Variants in SEC14L2 observed in about 807,000 individuals in gnomAD.
SEC14L2 encodes SEC14 like lipid binding 2, also known as SEC14-like protein 2.
In SEC14L2, 50 loss-of-function variants were observed where a neutral mutation model predicts 56.9. That is an observed-to-expected ratio of 0.88 (90% CI 0.70 to 1.11). The LOEUF (loss-of-function observed/expected upper bound fraction) is 1.11. Among genes scored for constraint, SEC14L2 ranks in the 50% most tolerant of loss-of-function variants. SEC14L2 has a pLI of 0.00. For synonymous variants in SEC14L2, 179 were observed against 188.5 expected (o/e 0.95, Z 0.41); for missense variants, 414 against 500.7 (o/e 0.83, Z 1.65).
At chr22:30,399,827 A>G (rs1933876424) in intron 2 of SEC14L2, 109 bp downstream of exon 2, 2 of 869,786 alleles carry the variant, frequency 2.3e-6, no homozygotes, top group Admixed American at 2.7e-5. Context: ...AGAGTGTCCA[A>G]CCTTTAGCGC....
chr22:30,407,025 T>C, intron 3 of SEC14L2, 70 bp from the exon 4 acceptor site: 2 of 1,516,044 alleles, frequency 1.3e-6, no homozygotes, highest in Non-Finnish European at 1.8e-6. Flanking sequence ...GTGCTGGGAT[T>C]ACAGGTGTGA....
At position 30,425,071 on chromosome 22, in the gene SEC14L2, TCGCA is replaced by T; in HGVS notation, c.*2665_*2668del. On this transcript the variant is annotated 3_prime_UTR_variant, in exon 12 of 12. Coordinates refer to ENST00000615189, the MANE Select transcript of SEC14L2 (RefSeq NM_012429.5). The stretch of plus-strand genomic sequence containing the variant: ...TCACTCCTCTAGCCTCATTTAGAGC[TCGCA>T]TTAAGAGCACGGGATCTGGATCCAC... 3 of 280,446 alleles carry T rather than the reference TCGCA, an allele frequency of 1.1e-5. No individual in the cohort carries two copies. Among genetic ancestry groups the T allele is most frequent in the Non-Finnish European group, 2.2e-5 (3 of 139,520 alleles). The allele number at this position is 280,446 out of a possible 1,614,324, so 17.4% of individuals were successfully genotyped here. A position where few individuals can be genotyped will look rare whatever the true frequency, so the allele number is the denominator to read the frequency against.
At chr22:30,409,136 C>T (rs1934177964) in intron 5 of SEC14L2, 51 bp from the exon 6 acceptor site, 9 of 1,518,180 alleles carry the variant, frequency 5.9e-6, no homozygotes, top group South Asian at 2.2e-5. Flanking sequence ...CTGGAACGGG[C>T]TTCTGAAGTA....
At chr22:30,399,608 G>A (rs781741632) in intron 1 of SEC14L2, 35 bp from the exon 2 acceptor site, 151 of 1,577,082 alleles carry the variant, frequency 9.6e-5, no homozygotes, top group Admixed American at 3.2e-4. Flanking sequence ...AGTCAGGGCG[G>A]GCCCTACCAC....
At chr22:30,411,616 T>G (rs1934249331) in intron 8 of SEC14L2, among the ~76,000 whole-genome samples, 1 of 151,474 alleles carries the variant, frequency 6.6e-6, no homozygotes, top group Non-Finnish European at 1.5e-5. Flanking sequence ...CGTCGTGGTG[T>G]GCACCTGTAA....
chr22:30,409,075 TA>T, intron 5 of SEC14L2, 111 bp from the exon 6 acceptor site: 1 of 973,002 alleles, frequency 1.0e-6, no homozygotes, highest in Non-Finnish European at 1.7e-6. Context: ...GGTCCGGCCC[TA>T]ACTAGCTCTG....
chr22:30,407,179 T>C (rs1050720219), intron 4 of SEC14L2, 25 bp downstream of exon 4: 1 of 1,612,662 alleles, frequency 6.2e-7, no homozygotes. Flanking sequence ...TCCCACCTCA[T>C]CCCTATGCTA....
chr22:30,415,109 T>C (rs1426188107), intron 8 of SEC14L2, among the ~76,000 whole-genome samples: 1 of 152,148 alleles, frequency 6.6e-6, no homozygotes, highest in East Asian at 1.9e-4. Flanking sequence ...TAACATACTC[T>C]TAACGTGTAT....
chr22:30,411,325 G>A (rs1013587020), intron 8 of SEC14L2, among the ~76,000 whole-genome samples: 3 of 152,150 alleles, frequency 2.0e-5, no homozygotes, highest in Admixed American at 1.3e-4. Flanking sequence ...ACTAGTCATA[G>A]AGAGGGTGCC....
rs560580686 is a variant in SEC14L2 at position 30,407,903 on chromosome 22, C to T, written c.423+300C>T. ...GCTTTGGGATTTCCTAGACCAGTGACATTTCCAAGTTTTAGAATATTCCCA... is the reference window on the plus strand; with the variant it reads ...GCTTTGGGATTTCCTAGACCAGTGATATTTCCAAGTTTTAGAATATTCCCA... On this transcript the variant is annotated intron_variant, in intron 5 of 11. Transcript: ENST00000615189. Among the ~76,000 whole-genome samples the T allele has an allele frequency of 9.1e-4, 138 of 152,158 alleles. 1 individual carries two copies. The highest frequency in any genetic ancestry group is 3.2e-3 in the African/African-American group (133 of 41,524).
At chr22:30,419,105 T>C (rs942880637) in intron 11 of SEC14L2, among the ~76,000 whole-genome samples, 5 of 152,222 alleles carry the variant, frequency 3.3e-5, no homozygotes, top group African/African-American at 1.2e-4. Flanking sequence ...GTCAGAAGAC[T>C]GGAAACACTA....
chr22:30,412,867 A>C (rs1934290140), intron 8 of SEC14L2, among the ~76,000 whole-genome samples: 1 of 151,616 alleles, frequency 6.6e-6, no homozygotes, highest in Admixed American at 6.6e-5. Flanking sequence ...AACAAAAAAA[A>C]CTTATATAGA....
intron 5 of SEC14L2, 64 bp from the exon 6 acceptor site, chr22:30,409,123 G>C: frequency 7.1e-7 from 1 of 1,404,062 alleles, no homozygotes; most frequent in Non-Finnish European, 1.0e-6. Flanking sequence ...CATTTGGCCT[G>C]GACTGGAACG....
intron 2 of SEC14L2, among the ~76,000 whole-genome samples, chr22:30,405,878 G>A (rs1024130179): frequency 6.6e-6 from 1 of 151,752 alleles, no homozygotes; most frequent in Non-Finnish European, 1.5e-5. Flanking sequence ...TTGTTTTTTT[G>A]GAGAGACGAG....
chr22:30,399,016 TC>T (rs1933840810), intron 1 of SEC14L2, among the ~76,000 whole-genome samples: 1 of 152,106 alleles, frequency 6.6e-6, no homozygotes, highest in South Asian at 2.1e-4. Flanking sequence ...TTTACTGCAG[TC>T]CGTATCAGAG....
chr22:30,425,040 C>T lies in SEC14L2; in HGVS notation c.*2633C>T, dbSNP rs964056948. On this transcript the variant is annotated 3_prime_UTR_variant, in exon 12 of 12. Coordinates refer to ENST00000615189, the MANE Select transcript of SEC14L2 (RefSeq NM_012429.5). ...TCCAGGCACCTACCTCCCAGGGGCT[C>T]ACCGTTCACTCCTCTAGCCTCATTT... 1 of 346,626 alleles carries T rather than the reference C, an allele frequency of 2.9e-6. No homozygotes were observed. The highest frequency in any genetic ancestry group is 2.2e-5 in the African/African-American group (1 of 46,492). 21.5% of individuals were successfully genotyped at this position (346,626 alleles called of 1,614,324 possible).
At chr22:30,404,546 G>C (rs1480015945) in intron 2 of SEC14L2, among the ~76,000 whole-genome samples, 1 of 152,206 alleles carries the variant, frequency 6.6e-6, no homozygotes, top group Non-Finnish European at 1.5e-5. Flanking sequence ...ATACAACTGG[G>C]AGGGACAGTT....
At chr22:30,406,237 T>C (rs1392488684) in intron 2 of SEC14L2, 105 bp from the exon 3 acceptor site, 8 of 1,075,864 alleles carry the variant, frequency 7.4e-6, no homozygotes, top group Non-Finnish European at 1.1e-5. Flanking sequence ...GCTGGAGAGA[T>C]GACTGAGAGG....
intron 1 of SEC14L2, chr22:30,398,891 T>G: frequency 2.2e-6 from 1 of 446,620 alleles, no homozygotes; most frequent in South Asian, 1.6e-5. Flanking sequence ...TGAGCTTTAA[T>G]TCCTTCATCT....
Sources: allele counts gnomAD v4.1 joint callset (sites outside exome capture counted in the v4.1 genomes callset), GRCh38; gene constraint gnomAD v4.1.1; transcripts MANE v1.5; gene names NCBI Gene and HGNC (gene_info 2026-07-23, HGNC 2026-07-21).